ADARB1: variants seen among roughly 807,000 people sequenced by gnomAD.
ADARB1 encodes the protein adenosine deaminase RNA specific B1.
ADARB1 carries 10 observed loss-of-function variants against 52.4 expected under a neutral mutation model. The observed-to-expected ratio is 0.19, with a 90% confidence interval of 0.12 to 0.32. The LOEUF (loss-of-function observed/expected upper bound fraction) is 0.32, where lower values mean the gene tolerates loss of function less well. Ranked by LOEUF, ADARB1 falls within the 10% of genes least tolerant of loss-of-function variation. ADARB1 has a pLI of 1.00. For synonymous variants in ADARB1, 349 were observed against 371.1 expected (o/e 0.94, Z 0.68); for missense variants, 643 against 922.3 (o/e 0.70, Z 3.92).
At chr21:45,161,248 G>T (rs2090948809) in intron 2 of ADARB1, among the ~76,000 whole-genome samples, 1 of 152,198 alleles carries the variant, frequency 6.6e-6, no homozygotes, top group East Asian at 1.9e-4. Context: ...AGGGGCAGGA[G>T]CCCTGCCATC....
intron 2 of ADARB1, among the ~76,000 whole-genome samples, chr21:45,141,397 C>A (rs2089715567): frequency 6.6e-6 from 1 of 152,024 alleles, no homozygotes; most frequent in African/African-American, 2.4e-5. Context: ...TTTTTAGTAG[C>A]CAGTTATAGA....
At chr21:45,109,529 GCCTGCGTCA>G (rs1385380655) in intron 1 of ADARB1, among the ~76,000 whole-genome samples, 1 of 152,150 alleles carries the variant, frequency 6.6e-6, no homozygotes, top group Non-Finnish European at 1.5e-5. Flanking sequence ...TTTCTGCGTC[GCCTGCGTCA>G]CCACTTCCTG....
chr21:45,184,763 A>G (rs1246793312), intron 7 of ADARB1, among the ~76,000 whole-genome samples, 160 bp from the exon 8 acceptor site: 3 of 152,172 alleles, frequency 2.0e-5, no homozygotes, highest in Non-Finnish European at 2.9e-5. Flanking sequence ...TCAGCTTCAC[A>G]TACTTATTTT....
At chr21:45,217,255 T>G (rs899368517) in intron 9 of ADARB1, among the ~76,000 whole-genome samples, 4 of 152,100 alleles carry the variant, frequency 2.6e-5, no homozygotes, top group Non-Finnish European at 5.9e-5. Context: ...ACTTATTTTC[T>G]ACGTGTTTCA....
chr21:45,170,618 A>C (rs1175662576), intron 2 of ADARB1, among the ~76,000 whole-genome samples: 1 of 151,804 alleles, frequency 6.6e-6, no homozygotes, highest in Non-Finnish European at 1.5e-5. Context: ...TGATATAGAT[A>C]TATAAGATAT....
chr21:45,129,743 G>A (rs1013099592), intron 2 of ADARB1, among the ~76,000 whole-genome samples: 2 of 152,168 alleles, frequency 1.3e-5, no homozygotes, highest in African/African-American at 2.4e-5. Flanking sequence ...CGGTCACCAG[G>A]GCGTGAGCGT....
At chr21:45,076,319 G>A (rs2085933797) in intron 1 of ADARB1, among the ~76,000 whole-genome samples, 1 of 152,174 alleles carries the variant, frequency 6.6e-6, no homozygotes, top group African/African-American at 2.4e-5. Context: ...ACGGGGGCTC[G>A]GTAAGTATTT....
Position 45,079,134 on chromosome 21 carries a change from G to A in ADARB1, c.-220+4341G>A, listed in dbSNP as rs1018594464. Among the ~76,000 whole-genome samples the A allele has an allele frequency of 2.0e-5, 3 of 152,290 alleles. No individual in the cohort carries two copies. The South Asian group carries it at 6.2e-4, about 32-fold the overall frequency. On this transcript the variant is annotated intron_variant, in intron 1 of 10. Coordinates refer to ENST00000348831, the MANE Select transcript of ADARB1 (RefSeq NM_001112.4). The stretch of plus-strand genomic sequence containing the variant: ...GGCACCTCAGACCAGGGCGGAAGTG[G>A]TGAGATCAGATTCAGCCTACTGAAT...
chr21:45,198,485 TATTAA>T (rs35435924), intron 8 of ADARB1, among the ~76,000 whole-genome samples: 109,761 of 149,722 alleles, frequency 0.73, 40,209 homozygotes, highest in Non-Finnish European at 0.77. Flanking sequence ...GAACTCTGCC[TATTAA>T]ATTAAATCAC....
At chr21:45,109,086 T>TG (rs2087388909) in intron 1 of ADARB1, among the ~76,000 whole-genome samples, 1 of 152,248 alleles carries the variant, frequency 6.6e-6, no homozygotes, top group Non-Finnish European at 1.5e-5. Flanking sequence ...GACCAGGCTC[T>TG]GGGGTTCATG....
chr21:45,169,760 G>A (rs2091406922), intron 2 of ADARB1, among the ~76,000 whole-genome samples: 1 of 152,174 alleles, frequency 6.6e-6, no homozygotes, highest in African/African-American at 2.4e-5. Flanking sequence ...TATAGTTTGG[G>A]CTTCTGAGAA....
intron 1 of ADARB1, among the ~76,000 whole-genome samples, chr21:45,109,205 T>G (rs1255141280): frequency 2.0e-5 from 2 of 102,278 alleles, no homozygotes; most frequent in Non-Finnish European, 4.3e-5. Context: ...GCACGTGTGT[T>G]TGCGCGCGTG....
intron 1 of ADARB1, among the ~76,000 whole-genome samples, chr21:45,085,780 A>G (rs1400459850): frequency 2.0e-5 from 3 of 152,180 alleles, no homozygotes; most frequent in Non-Finnish European, 4.4e-5. Flanking sequence ...TATCCCTCTA[A>G]TGAAACTGTG....
chr21:45,091,005 T>C (rs1327709772), intron 1 of ADARB1, among the ~76,000 whole-genome samples: 3 of 152,292 alleles, frequency 2.0e-5, no homozygotes, highest in Non-Finnish European at 4.4e-5. Context: ...TGCCATGTTA[T>C]ATTCATGAAG....
At chr21:45,079,796 A>G (rs966352873) in intron 1 of ADARB1, among the ~76,000 whole-genome samples, 1 of 152,202 alleles carries the variant, frequency 6.6e-6, no homozygotes, top group Admixed American at 6.5e-5. Context: ...ATGGATGGAA[A>G]TTCAAGGTCA....
At position 45,176,587 on chromosome 21, in the gene ADARB1, AT is replaced by A; in HGVS notation, c.891del (p.Phe297LeufsTer27). Reference sequence around the variant, plus strand: ...GGCTGCGCAGTCTGCCCTGGCCGCCATTTTTAACTTGCACTTGGATCAGACG... The same window carrying A: ...GGCTGCGCAGTCTGCCCTGGCCGCCATTTTAACTTGCACTTGGATCAGACG... Reference protein sequence around the residue: ...ARAAQSALAAIFNLHLDQTPS... With the variant: ...ARAAQSALAAXFNLHLDQTPS... On this transcript the variant is annotated frameshift_variant, in exon 4 of 11. Coordinates refer to ENST00000348831, the MANE Select transcript of ADARB1 (RefSeq NM_001112.4). LOFTEE classifies it high-confidence loss of function. This position sits in a 1 kb window ranked among gnomAD's most constrained non-coding sequence, Gnocchi z 5.8. 6.2e-7 allele frequency: 1 copy of A among 1,614,070 alleles called. No individual in the cohort carries two copies. Among genetic ancestry groups the A allele is most frequent in the Non-Finnish European group, 8.5e-7 (1 of 1,179,984 alleles).
rs1387418657 is a variant in ADARB1 at position 45,223,521 on chromosome 21, A to G, written c.*1324A>G. 2 of 985,670 alleles carry G rather than the reference A, an allele frequency of 2.0e-6. No homozygotes were observed. The highest frequency in any genetic ancestry group is 1.1e-4 in the East Asian group (1 of 8,830). 61.1% of individuals were successfully genotyped at this position (985,670 alleles called of 1,614,324 possible). On this transcript the variant is annotated 3_prime_UTR_variant, in exon 11 of 11. Transcript: ENST00000348831. ...CGCTCAGGATGAAAGAGGAGCTGAGAGAAGTGCTCTGCCTGCCAGTGCAGT... is the reference window on the plus strand; with the variant it reads ...CGCTCAGGATGAAAGAGGAGCTGAGGGAAGTGCTCTGCCTGCCAGTGCAGT...
At chr21:45,114,450 C>T (rs759618061) in intron 1 of ADARB1, among the ~76,000 whole-genome samples, 8 of 152,190 alleles carry the variant, frequency 5.3e-5, no homozygotes, top group South Asian at 4.1e-4. Context: ...CGGGCAGGTG[C>T]GTAGCCTGTG....
At chr21:45,217,675 T>A (rs1265069523) in intron 9 of ADARB1, among the ~76,000 whole-genome samples, 3 of 152,226 alleles carry the variant, frequency 2.0e-5, no homozygotes, top group African/African-American at 7.2e-5. Context: ...TGTATAGATC[T>A]GGATTTCCAT....
Sources: gnomAD v4.1 joint callset for allele counts (sites outside exome capture counted in the v4.1 genomes callset) on GRCh38, gnomAD v4.1.1 for gene constraint, Gnocchi (gnomAD v3.1) non-coding constraint, MANE v1.5 for transcripts, NCBI Gene and HGNC (gene_info 2026-07-23, HGNC 2026-07-21) for gene names.